The following AFF1 variants were observed in gnomAD, a reference collection of about 807,000 sequenced individuals.
AFF1 encodes the protein AF4/FMR2 family member 1.
In AFF1, 48 loss-of-function variants were observed where a neutral mutation model predicts 121.7. The ratio of observed to expected loss-of-function variants is 0.39; its 90% CI spans 0.31 to 0.50. AFF1 has a LOEUF of 0.50. AFF1 is among the 20% of genes least tolerant of loss of function. The probability of loss-of-function intolerance (pLI) is 0.76; values close to 1 mark genes in which losing one functional copy is unlikely to be tolerated. For missense variants in AFF1, 1,523 were observed against 1,511.7 expected, an observed-to-expected ratio of 1.01 and a Z score of -0.12; for synonymous variants, 613 against 563.0, an observed-to-expected ratio of 1.09 and a Z score of -1.26.
chr4:86,988,343 G>A (rs1325293572), intron 2 of AFF1, among the ~76,000 whole-genome samples: 2 of 151,912 alleles, frequency 1.3e-5, no homozygotes, highest in Non-Finnish European at 2.9e-5. Context: ...CCCAGCCTCT[G>A]GTGACCATCA....
chr4:87,134,793 G>GGAAT, intron 20 of AFF1, 99 bp downstream of exon 20: 2 of 1,039,448 alleles, frequency 1.9e-6, no homozygotes, highest in African/African-American at 1.6e-5. Context: ...TGGAGAAAAG[G>GGAAT]GAATGTGTAG....
intron 2 of AFF1, among the ~76,000 whole-genome samples, chr4:86,999,377 C>T (rs1725505008): frequency 6.6e-6 from 1 of 152,278 alleles, no homozygotes; most frequent in African/African-American, 2.4e-5. Context: ...CTATCTTCTT[C>T]CTGTATGGAG....
intron 2 of AFF1, among the ~76,000 whole-genome samples, chr4:86,984,235 G>A (rs775665383): frequency 1.3e-5 from 2 of 151,732 alleles, no homozygotes; most frequent in Non-Finnish European, 2.9e-5. Context: ...GCACAGTTTC[G>A]GCTTTCATAG....
At chr4:86,940,370 A>G (rs939919725) in intron 1 of AFF1, among the ~76,000 whole-genome samples, 2 of 152,228 alleles carry the variant, frequency 1.3e-5, no homozygotes, top group African/African-American at 4.8e-5. Context: ...CAAGTGACAC[A>G]TGCAAAAACA....
intron 10 of AFF1, among the ~76,000 whole-genome samples, chr4:87,107,582 C>T (rs1045088862): frequency 2.6e-5 from 4 of 152,172 alleles, no homozygotes; most frequent in African/African-American, 4.8e-5. Context: ...CTTTGGCTAC[C>T]ACCCAGTTCT....
At chr4:87,081,231 T>G in intron 4 of AFF1, among the ~76,000 whole-genome samples, 1 of 140,716 alleles carries the variant, frequency 7.1e-6, no homozygotes, top group East Asian at 2.3e-4. Context: ...GCCCAATCTC[T>G]GCTCACTGCA....
intron 11 of AFF1, among the ~76,000 whole-genome samples, chr4:87,113,844 C>T (rs947999506): frequency 3.9e-5 from 6 of 151,984 alleles, no homozygotes; most frequent in South Asian, 2.1e-4. Flanking sequence ...CCAGCCTGGG[C>T]GACAGATTGA....
chr4:87,117,109 T>TC (rs1727204549), intron 12 of AFF1, among the ~76,000 whole-genome samples: 2 of 152,030 alleles, frequency 1.3e-5, no homozygotes, highest in Non-Finnish European at 2.9e-5. Context: ...ACCCGGAGGA[T>TC]CCCCCAGAGA....
intron 4 of AFF1, among the ~76,000 whole-genome samples, chr4:87,060,227 C>G (rs184803994): frequency 2.2e-4 from 34 of 152,276 alleles, no homozygotes; most frequent in African/African-American, 7.7e-4. Context: ...AATTACTGTA[C>G]TTTTCAGAAT....
At chr4:87,018,453 A>G (rs144345415) in intron 2 of AFF1, among the ~76,000 whole-genome samples, 7 of 152,260 alleles carry the variant, frequency 4.6e-5, no homozygotes, top group Admixed American at 3.9e-4. Flanking sequence ...AGAGCAAGCC[A>G]TGACACAGAG....
chr4:87,114,479 C>G lies in AFF1; in HGVS notation c.1646C>G (p.Pro549Arg). 6.2e-7 allele frequency: 1 copy of G among 1,613,810 alleles called. No individual in the cohort carries two copies. Among genetic ancestry groups the G allele is most frequent in the Non-Finnish European group, 8.5e-7 (1 of 1,179,996 alleles). The change falls in exon 12 of 21, where the codon CCA (proline) becomes CGA (arginine). Residue 549 changes from proline (P) to arginine (R), a missense_variant. Around this residue, in one of 5 missense-constraint regions of AFF1, gnomAD observed 905 missense variants for 842.5 expected, o/e 1.07. Coordinates refer to ENST00000395146, the MANE Select transcript of AFF1 (RefSeq NM_001166693.3). ...PRSTEPPRRH[P>R]ESKGSSDSAT... is the part of the protein sequence containing the mutation. Reference sequence around the variant, plus strand: ...AGCACAGAGCCCCCACGGCGGCACCCAGAGAGTAAGGGCAGCAGCGACAGT... The same window carrying G: ...AGCACAGAGCCCCCACGGCGGCACCGAGAGAGTAAGGGCAGCAGCGACAGT...
chr4:87,117,853 C>CA (rs1231447194), intron 12 of AFF1, among the ~76,000 whole-genome samples: 4 of 152,070 alleles, frequency 2.6e-5, no homozygotes, highest in Admixed American at 6.5e-5. Flanking sequence ...GGTTGTCCCC[C>CA]CTTCCTCATT....
At chr4:87,043,403 TC>T (rs1332765538) in intron 2 of AFF1, among the ~76,000 whole-genome samples, 2 of 152,162 alleles carry the variant, frequency 1.3e-5, no homozygotes, top group Non-Finnish European at 2.9e-5. Flanking sequence ...GCTTAGCTCC[TC>T]CCTGCAAAAA....
intron 8 of AFF1, among the ~76,000 whole-genome samples, chr4:87,104,082 T>TG (rs1404227825): frequency 6.6e-6 from 1 of 152,326 alleles, no homozygotes; most frequent in African/African-American, 2.4e-5. Flanking sequence ...ACAAGTCCTA[T>TG]GACTGAAGGC....
chr4:86,950,012 A>G (rs1721189629), intron 2 of AFF1: 1 of 1,613,908 alleles, frequency 6.2e-7, no homozygotes, highest in Non-Finnish European at 8.5e-7. Flanking sequence ...CGCCAGTTTC[A>G]CCTGCTGAGC....
Position 87,136,328 on chromosome 4 carries a change from C to T in AFF1, c.*627C>T, listed in dbSNP as rs1195591906. Reference sequence around the variant, plus strand: ...AATTTATAAAATTGAAGGCAACCCCCGCTCCTGCCGCCCCCAATCTCCCCA... The same window carrying T: ...AATTTATAAAATTGAAGGCAACCCCTGCTCCTGCCGCCCCCAATCTCCCCA... On this transcript the variant is annotated 3_prime_UTR_variant, in exon 21 of 21. Coordinates refer to ENST00000395146, the MANE Select transcript of AFF1 (RefSeq NM_001166693.3). The T allele has an allele frequency of 3.9e-5, 9 of 232,312 alleles. No homozygotes were observed. Among genetic ancestry groups the T allele is most frequent in the East Asian group, 1.2e-4 (2 of 16,492 alleles). 14.4% of individuals were successfully genotyped at this position (232,312 alleles called of 1,614,324 possible).
At chr4:86,991,834 CTTT>C (rs34804329) in intron 2 of AFF1, among the ~76,000 whole-genome samples, 12 of 113,674 alleles carry the variant, frequency 1.1e-4, no homozygotes, top group African/African-American at 1.6e-4. Context: ...CTTCAAATTG[CTTT>C]TTTTTTTTTT....
intron 2 of AFF1, among the ~76,000 whole-genome samples, chr4:86,969,168 T>C (rs1165445690): frequency 1.3e-5 from 2 of 152,100 alleles, no homozygotes; most frequent in Admixed American, 6.5e-5. Context: ...GCTTGAGACT[T>C]TTTTTCTTTT....
chr4:86,944,489 C>T (rs766679665), intron 1 of AFF1, among the ~76,000 whole-genome samples: 8 of 151,572 alleles, frequency 5.3e-5, no homozygotes, highest in South Asian at 2.1e-4. Flanking sequence ...GCCTCAGGCA[C>T]GCGCCATCAC....
Sources: gnomAD v4.1 joint callset for allele counts (sites outside exome capture counted in the v4.1 genomes callset) on GRCh38, gnomAD v4.1.1 for gene constraint, gnomAD v4.1.1 regional missense constraint, MANE v1.5 for transcripts, NCBI Gene and HGNC (gene_info 2026-07-23, HGNC 2026-07-21) for gene names.